PAQR3: variants seen among roughly 807,000 people sequenced by gnomAD.
PAQR3 encodes progestin and adipoQ receptor family member 3, also known as Raf kinase trapping to Golgi.
PAQR3 carries 39 observed loss-of-function variants against 41.7 expected under a neutral mutation model. The ratio of observed to expected loss-of-function variants is 0.93; its 90% CI spans 0.72 to 1.22. The LOEUF is 1.22. Among genes scored for constraint, PAQR3 ranks in the 50% most tolerant of loss-of-function variants. The pLI, the probability that PAQR3 is intolerant of heterozygous loss-of-function variation, is 0.00. For synonymous variants in PAQR3, 140 were observed against 140.6 expected (o/e 1.00, Z 0.03); for missense variants, 366 against 385.6 (o/e 0.95, Z 0.42).
chr4:78,913,263 A>G lies in PAQR3; in HGVS notation c.*7276T>C, dbSNP rs1480121607. On this transcript the variant is annotated 3_prime_UTR_variant, in exon 6 of 6. Transcript: ENST00000512733. Reference sequence around the variant, plus strand: ...TAATATACCAGATCCTAAAATGCATATAAGGTGGACTAGCATCTTAATTCT... The same window carrying G: ...TAATATACCAGATCCTAAAATGCATGTAAGGTGGACTAGCATCTTAATTCT... 4 of 152,154 alleles carry G rather than the reference A, an allele frequency of 2.6e-5. No individual in the cohort carries two copies. The highest frequency in any genetic ancestry group is 4.4e-5 in the Non-Finnish European group (3 of 68,014). 9.4% of individuals were successfully genotyped at this position (152,154 alleles called of 1,614,324 possible). A position where few individuals can be genotyped will look rare whatever the true frequency, so the allele number is the denominator to read the frequency against.
Position 78,922,455 on chromosome 4 carries a change from G to A in PAQR3, c.793+1402C>T, listed in dbSNP as rs1359959965. ...AGGAAGAAGAGGGGATAAATTTGCA[G>A]TTTAGATTTAAACTGCTCCCTGACT... On this transcript the variant is annotated intron_variant, in intron 5 of 5. Transcript: ENST00000512733. 8.6e-6 allele frequency: 11 copies of A among 1,285,140 alleles called. No individual in the cohort carries two copies. The Admixed American group carries it at 2.1e-4, about 24-fold the overall frequency. 79.6% of individuals were successfully genotyped at this position (1,285,140 alleles called of 1,614,324 possible).
chr4:78,923,552 G>T, intron 5 of PAQR3: 1 of 344,764 alleles, frequency 2.9e-6, no homozygotes, highest in Non-Finnish European at 5.3e-6. Context: ...GGTAGTTGAC[G>T]GTGTTCTACT....
At chr4:78,935,073 T>C (rs1209171581) in intron 2 of PAQR3, 48 bp downstream of exon 2, 1 of 1,582,058 alleles carries the variant, frequency 6.3e-7, no homozygotes, top group Admixed American at 1.7e-5. Flanking sequence ...CAAGACTGCC[T>C]GTCAAAAAGT....
chr4:78,935,678 C>T (rs1737351582), intron 1 of PAQR3, among the ~76,000 whole-genome samples: 1 of 152,170 alleles, frequency 6.6e-6, no homozygotes, highest in Non-Finnish European at 1.5e-5. Context: ...AATGAACGTG[C>T]AGAGGAAATC....
chr4:78,922,455 GTTTAGA>G lies in PAQR3; in HGVS notation c.793+1396_793+1401del, dbSNP rs747263671. On this transcript the variant is annotated intron_variant, in intron 5 of 5. Transcript: ENST00000512733. The stretch of plus-strand genomic sequence containing the variant: ...AGGAAGAAGAGGGGATAAATTTGCA[GTTTAGA>G]TTTAAACTGCTCCCTGACTCATAGC... 6 of 1,285,258 alleles carry G rather than the reference GTTTAGA, an allele frequency of 4.7e-6. No homozygotes were observed. The South Asian group carries it at 4.9e-5, about 11-fold the overall frequency. 79.6% of individuals were successfully genotyped at this position (1,285,258 alleles called of 1,614,324 possible). A position where few individuals can be genotyped will look rare whatever the true frequency, so the allele number is the denominator to read the frequency against.
Position 78,926,736 on chromosome 4 carries a change from C to A in PAQR3, c.505-18G>T. 1.2e-6 allele frequency: 2 copies of A among 1,604,356 alleles called. No individual in the cohort carries two copies. The highest frequency in any genetic ancestry group is 2.7e-5 in the African/African-American group (2 of 74,796). The stretch of plus-strand genomic sequence containing the variant: ...CGCCAGTACTAGAATGAAAGGAAAT[C>A]ACATTTTAATTCTGTTATTAACAAT... On this transcript the variant is annotated intron_variant, in intron 3 of 5. Transcript: ENST00000512733.
chr4:78,911,927 C>A lies in PAQR3; in HGVS notation c.*8612G>T. ...AAAATGGATGATTTTGGTGCCGTGC[C>A]CTTTACAGAACTTGTGGTGCAAAGC... On this transcript the variant is annotated 3_prime_UTR_variant, in exon 6 of 6. Coordinates refer to ENST00000512733, the MANE Select transcript of PAQR3 (RefSeq NM_001040202.2). The A allele has an allele frequency of 1.2e-6, 2 of 1,613,946 alleles. No individual in the cohort carries two copies. The highest frequency in any genetic ancestry group is 1.7e-6 in the Non-Finnish European group (2 of 1,179,870).
At chr4:78,937,647 AT>A (rs1737571730) in intron 1 of PAQR3, among the ~76,000 whole-genome samples, 1 of 152,190 alleles carries the variant, frequency 6.6e-6, no homozygotes. Flanking sequence ...AGATACTGTG[AT>A]TACCCTCATT....
At chr4:78,925,603 C>T (rs1389801306) in intron 4 of PAQR3, among the ~76,000 whole-genome samples, 3 of 152,140 alleles carry the variant, frequency 2.0e-5, no homozygotes, top group Non-Finnish European at 4.4e-5. Context: ...CAACTTCATG[C>T]AAATAAATGT....
At chr4:78,932,156 C>T (rs1191552934) in intron 2 of PAQR3, among the ~76,000 whole-genome samples, 1 of 152,138 alleles carries the variant, frequency 6.6e-6, no homozygotes, top group African/African-American at 2.4e-5. Flanking sequence ...ACTATAGACT[C>T]AATATCAGTA....
At chr4:78,930,031 A>G (rs1351051123) in intron 3 of PAQR3, 139 bp downstream of exon 3, 5 of 717,692 alleles carry the variant, frequency 7.0e-6, no homozygotes, top group Middle Eastern at 4.1e-4. Context: ...ATTCTGAAAA[A>G]TAAGTTTATG....
Position 78,939,041 on chromosome 4 carries a change from T to C in PAQR3, c.184A>G (p.Ser62Gly). ...CAGGCGGAGGCAGCCAGACCGTACC[T>C]TTTGATACACAGCCTGGACGGCAGG... is the stretch of plus-strand genomic sequence containing the variant. Reference protein sequence around the residue: ...AYLPSRLCIKSLFILSNETVN... With the variant: ...AYLPSRLCIKGLFILSNETVN... The change falls in exon 1 of 6, where the codon AGT (serine) becomes GGT (glycine). Residue 62 changes from serine (S) to glycine (G), a missense_variant and splice_region_variant. Transcript: ENST00000512733. 6.2e-7 allele frequency: 1 copy of C among 1,600,358 alleles called. No individual in the cohort carries two copies. Among genetic ancestry groups the C allele is most frequent in the Non-Finnish European group, 8.5e-7 (1 of 1,170,322 alleles).
intron 11 of PAQR3, among the ~76,000 whole-genome samples, chr4:78,902,285 T>A (rs1734051352): frequency 1.3e-5 from 2 of 152,162 alleles, no homozygotes; most frequent in Admixed American, 1.3e-4. Flanking sequence ...AGCATTAACC[T>A]ATTTTAAAGA....
At chr4:78,911,162 A>G, downstream of PAQR3, 6 of 1,613,874 alleles carry the variant, frequency 3.7e-6, no homozygotes, top group Non-Finnish European at 5.1e-6. Flanking sequence ...CAACAGCCCC[A>G]GCAAGAAAAG....
In PAQR3 at chr4:78,918,699, G is replaced by GT. The variant is rs930840430; in HGVS notation, c.*1839dup. 2.1e-6 allele frequency: 2 copies of GT among 964,806 alleles called. No homozygotes were observed. The highest frequency in any genetic ancestry group is 2.5e-6 in the Non-Finnish European group (2 of 811,482). 59.8% of individuals were successfully genotyped at this position (964,806 alleles called of 1,614,324 possible). On this transcript the variant is annotated 3_prime_UTR_variant, in exon 6 of 6. Transcript: ENST00000512733. ...ACTGCAAAAATTGAAATGATTCAAT[G>GT]TTTTTTTATTTTGAGAAAGTTTTAT... is the stretch of plus-strand genomic sequence containing the variant.
intron 12 of PAQR3, chr4:78,887,329 C>A: frequency 7.5e-7 from 1 of 1,338,336 alleles, no homozygotes; most frequent in African/African-American, 1.4e-5. Context: ...ATAAAACACA[C>A]AAGAACAACA....
intron 4 of PAQR3, 75 bp downstream of exon 4, chr4:78,926,446 A>C: frequency 7.5e-7 from 1 of 1,332,732 alleles, no homozygotes; most frequent in Non-Finnish European, 1.1e-6. Flanking sequence ...TGGCCTGATT[A>C]TACTACTTTA....
At chr4:78,909,055 C>G (rs1223660284), downstream of PAQR3, among the ~76,000 whole-genome samples, 2 of 94,392 alleles carry the variant, frequency 2.1e-5, no homozygotes, top group Non-Finnish European at 3.9e-5. Context: ...TTCCCTTAGT[C>G]TTTTTTTTTT....
intron 12 of PAQR3, among the ~76,000 whole-genome samples, chr4:78,887,538 G>T (rs1407533205): frequency 1.3e-5 from 2 of 151,354 alleles, no homozygotes; most frequent in Non-Finnish European, 2.9e-5. Flanking sequence ...CTTTATTATT[G>T]GATACTGTTG....
Sources: allele counts gnomAD v4.1 joint callset (sites outside exome capture counted in the v4.1 genomes callset), GRCh38; gene constraint gnomAD v4.1.1; transcripts MANE v1.5; gene names NCBI Gene and HGNC (gene_info 2026-07-23, HGNC 2026-07-21).